The following FRMPD4 variants were observed in gnomAD, a reference collection of about 807,000 sequenced individuals.
FRMPD4 encodes the protein FERM and PDZ domain containing 4, also known as FERM and PDZ domain-containing protein 4.
A neutral mutation model predicts 94.1 loss-of-function variants in FRMPD4; 22 were observed. That is an observed-to-expected ratio of 0.23 (90% CI 0.17 to 0.33). FRMPD4 has a LOEUF of 0.33. FRMPD4 is among the 10% of genes least tolerant of loss of function. FRMPD4 has a pLI of 1.00. For synonymous variants in FRMPD4, 631 were observed against 548.6 expected (o/e 1.15, Z -2.10); for missense variants, 1,111 against 1,339.9 (o/e 0.83, Z 2.67).
At chrX:12,281,267 C>T (rs2054520261) in intron 1 of FRMPD4, among the ~76,000 whole-genome samples, 1 of 111,908 alleles carries the variant, frequency 8.9e-6, no homozygotes, top group Non-Finnish European at 1.9e-5. Flanking sequence ...ACTTCCCAAA[C>T]CAAGGAACTA....
intron 3 of FRMPD4, among the ~76,000 whole-genome samples, chrX:11,951,954 T>A (rs1316892624): frequency 8.9e-6 from 1 of 112,175 alleles, no homozygotes; most frequent in African/African-American, 3.2e-5. Context: ...GAGGATCACT[T>A]AAGCCTGGGA....
At chrX:12,263,994 C>T (rs2054235290) in intron 1 of FRMPD4, among the ~76,000 whole-genome samples, 1 of 110,973 alleles carries the variant, frequency 9.0e-6, no homozygotes, top group Non-Finnish European at 1.9e-5. Context: ...TTAATACCTC[C>T]CATTATGCCC....
At chrX:12,483,673 A>G (rs1016273036) in intron 1 of FRMPD4, among the ~76,000 whole-genome samples, 13 of 111,800 alleles carry the variant, frequency 1.2e-4, no homozygotes, top group Non-Finnish European at 2.4e-4. Flanking sequence ...AGGAAAGATC[A>G]TTCACAAAAT....
At chrX:12,689,445 CATT>C (rs2060060323) in intron 7 of FRMPD4, among the ~76,000 whole-genome samples, 1 of 112,127 alleles carries the variant, frequency 8.9e-6, no homozygotes, top group African/African-American at 3.2e-5. Context: ...CTGAGATAAG[CATT>C]ATTATTATCC....
intron 14 of FRMPD4, among the ~76,000 whole-genome samples, chrX:12,711,810 GA>G (rs2041992894): frequency 9.4e-6 from 1 of 105,886 alleles, no homozygotes; most frequent in African/African-American, 3.5e-5. Context: ...AATGAGGGGA[GA>G]AAAAAAGGGA....
chrX:12,215,780 C>T (rs5935271), intron 1 of FRMPD4, among the ~76,000 whole-genome samples: 47,978 of 110,596 alleles, frequency 0.43, 7,463 homozygotes, highest in Non-Finnish European at 0.47. Flanking sequence ...AGCCACATTT[C>T]TGCCTCAAGG....
At chrX:12,286,263 T>G (rs181417758) in intron 1 of FRMPD4, among the ~76,000 whole-genome samples, 2 of 105,792 alleles carry the variant, frequency 1.9e-5, no homozygotes, top group Non-Finnish European at 1.9e-5. Flanking sequence ...AAGAATCCTG[T>G]TTTTTTTTTC....
intron 3 of FRMPD4, among the ~76,000 whole-genome samples, chrX:12,098,474 G>A (rs1297369838): frequency 8.9e-6 from 1 of 112,197 alleles, no homozygotes; most frequent in Non-Finnish European, 1.9e-5. Context: ...GAGTGGCCTC[G>A]TGGTCAAATA....
intron 3 of FRMPD4, among the ~76,000 whole-genome samples, chrX:12,029,832 A>G (rs761453061): frequency 9.0e-6 from 1 of 111,660 alleles, no homozygotes; most frequent in Admixed American, 9.5e-5. Flanking sequence ...TAACCTAATC[A>G]TGAGAATGAC....
intron 7 of FRMPD4, among the ~76,000 whole-genome samples, chrX:12,688,915 T>C (rs953932323): frequency 2.7e-5 from 3 of 109,678 alleles, no homozygotes; most frequent in Non-Finnish European, 5.7e-5. Context: ...AAGAAAACTA[T>C]AAGTTTTCAC....
At chrX:12,051,105 G>A (rs149109553) in intron 3 of FRMPD4, among the ~76,000 whole-genome samples, 1,379 of 111,472 alleles carry the variant, frequency 0.012, 23 homozygotes, top group African/African-American at 0.042. Flanking sequence ...TTAAAATCAT[G>A]CAAAACAGTA....
chrX:12,030,125 C>T (rs1453120360), intron 3 of FRMPD4, among the ~76,000 whole-genome samples: 1 of 112,281 alleles, frequency 8.9e-6, no homozygotes, highest in Admixed American at 9.4e-5. Context: ...ACCAGTCTAA[C>T]TTATAGAATC....
At chrX:12,399,285 C>G (rs894784039) in intron 1 of FRMPD4, among the ~76,000 whole-genome samples, 1 of 111,087 alleles carries the variant, frequency 9.0e-6, no homozygotes, top group Non-Finnish European at 1.9e-5. Flanking sequence ...CACAGCAGTT[C>G]GATGTAGATG....
At chrX:12,544,086 TG>T (rs1271048846) in intron 2 of FRMPD4, among the ~76,000 whole-genome samples, 4 of 29,987 alleles carry the variant, frequency 1.3e-4, no homozygotes, top group African/African-American at 5.7e-4. Flanking sequence ...GGGCCTGTTG[TG>T]GGGTAGGGGG....
intron 3 of FRMPD4, among the ~76,000 whole-genome samples, chrX:11,881,566 T>A (rs1317135963): frequency 2.7e-5 from 3 of 112,149 alleles, no homozygotes; most frequent in East Asian, 2.8e-4. Flanking sequence ...ACTGTACAAT[T>A]CCATTTATAA....
intron 1 of FRMPD4, among the ~76,000 whole-genome samples, chrX:11,850,128 A>T (rs2053612316): frequency 8.9e-6 from 1 of 112,360 alleles, no homozygotes; most frequent in Non-Finnish European, 1.9e-5. Context: ...ATTTGAATAG[A>T]CAATTCTCCA....
intron 3 of FRMPD4, among the ~76,000 whole-genome samples, chrX:12,109,734 G>T (rs112697405): frequency 9.0e-6 from 1 of 111,346 alleles, no homozygotes; most frequent in Non-Finnish European, 1.9e-5. Context: ...ATGATAAAGG[G>T]GATATCACCA....
intron 1 of FRMPD4, among the ~76,000 whole-genome samples, chrX:12,197,503 G>A (rs1273945272): frequency 9.0e-6 from 1 of 111,623 alleles, no homozygotes; most frequent in Non-Finnish European, 1.9e-5. Context: ...AGAGAAGTGG[G>A]CACATGCTGT....
At position 12,085,210 on chromosome X, in the gene FRMPD4, C is replaced by T. The variant is rs1997171; in HGVS notation, c.95+207192C>T. Reference sequence around the variant, plus strand: ...AAAGTCTTCATGTGGATCTACCATACGGCAATTACTGCACTAAACATGTGT... The same window carrying T: ...AAAGTCTTCATGTGGATCTACCATATGGCAATTACTGCACTAAACATGTGT... On this transcript the variant is annotated intron_variant, in intron 3 of 18. Transcript: ENST00000640291. Among the ~76,000 whole-genome samples the T allele has an allele frequency of 5.4e-3, 603 of 111,850 alleles. 2 individuals carry two copies. The highest frequency in any genetic ancestry group is 0.019 in the African/African-American group (576 of 30,797).
Sources: allele counts gnomAD v4.1 joint callset (sites outside exome capture counted in the v4.1 genomes callset), GRCh38; gene constraint gnomAD v4.1.1; transcripts MANE v1.5; gene names NCBI Gene and HGNC (gene_info 2026-07-23, HGNC 2026-07-21).